Variants in MGAT5B observed in about 807,000 individuals in gnomAD.
The protein encoded by MGAT5B is N-acetylglucosaminyl-transferase Vb.
A neutral mutation model predicts 95.1 loss-of-function variants in MGAT5B; 54 were observed. The observed-to-expected ratio is 0.57, with a 90% CI of 0.46 to 0.71. The LOEUF (loss-of-function observed/expected upper bound fraction) is 0.71. Among genes scored for constraint, MGAT5B ranks in the 30% least tolerant of loss-of-function variants. MGAT5B has a pLI of 0.00. For missense variants in MGAT5B, 935 were observed against 1,088.6 expected, an observed-to-expected ratio of 0.86 and a Z score of 1.99; for synonymous variants, 464 against 451.0, an observed-to-expected ratio of 1.03 and a Z score of -0.36.
chr17:76,920,680 G>C (rs939015807), intron 8 of MGAT5B, among the ~76,000 whole-genome samples: 1 of 152,060 alleles, frequency 6.6e-6, no homozygotes, highest in African/African-American at 2.4e-5. Flanking sequence ...AACTCCTCCT[G>C]GGAAGGGGAT....
rs11650151 is a variant in MGAT5B, at chr17:76,904,301, T to C, written c.569T>C (p.Val190Ala). 6.2e-7 allele frequency: 1 copy of C among 1,610,890 alleles called. No individual in the cohort carries two copies. Among genetic ancestry groups the C allele is most frequent in the Non-Finnish European group, 8.5e-7 (1 of 1,178,968 alleles). The change falls in exon 6 of 18, where the codon GTG (valine) becomes GCG (alanine). Residue 190 changes from valine to alanine, a missense_variant. This residue lies in a region of MGAT5B where 243 missense variants were observed against 305.5 expected (regional missense o/e 0.80). Coordinates refer to ENST00000569840, the MANE Select transcript of MGAT5B (RefSeq NM_001199172.2). The stretch of plus-strand genomic sequence containing the variant: ...GACCCCTGCTACGCCTTCTTTGGGG[T>C]GGACGGCACCGAGTGCTCCTTCCTC... ...TSDPCYAFFG[V>A]DGTECSFLIY... is the part of the protein sequence containing the mutation.
chr17:76,943,626 G>T (rs546591299), intron 15 of MGAT5B, among the ~76,000 whole-genome samples: 12 of 129,156 alleles, frequency 9.3e-5, no homozygotes, highest in African/African-American at 1.1e-4. Flanking sequence ...GGTGGGGTGG[G>T]GGGGGGGTCT....
intron 12 of MGAT5B, among the ~76,000 whole-genome samples, chr17:76,933,552 G>C (rs1175792321): frequency 1.3e-5 from 2 of 151,962 alleles, no homozygotes; most frequent in Non-Finnish European, 2.9e-5. Context: ...CCACAGGGCA[G>C]CCCTTGGGCA....
At chr17:76,871,130 AG>A (rs1421177983) in intron 1 of MGAT5B, among the ~76,000 whole-genome samples, 1 of 152,122 alleles carries the variant, frequency 6.6e-6, no homozygotes, top group Non-Finnish European at 1.5e-5. Context: ...CCTCTTCTCC[AG>A]GGACTAGAGA....
At chr17:76,900,071 G>T (rs1275389028) in intron 3 of MGAT5B, among the ~76,000 whole-genome samples, 2 of 152,144 alleles carry the variant, frequency 1.3e-5, no homozygotes, top group East Asian at 3.9e-4. Context: ...CATGGTAGCT[G>T]CCCTTATGTC....
chr17:76,892,369 A>G (rs142733595), intron 3 of MGAT5B, among the ~76,000 whole-genome samples: 10 of 152,324 alleles, frequency 6.6e-5, no homozygotes, highest in African/African-American at 2.4e-4. Flanking sequence ...CTTTAGAAGG[A>G]AGCTCCAGGA....
intron 2 of MGAT5B, among the ~76,000 whole-genome samples, chr17:76,874,004 T>C (rs550161226): frequency 6.6e-6 from 1 of 152,342 alleles, no homozygotes; most frequent in African/African-American, 2.4e-5. Context: ...TATTATGCCA[T>C]CTGTCATCTC....
At chr17:76,925,248 C>CCT (rs1969271754) in intron 9 of MGAT5B, 151 bp downstream of exon 9, 2 of 17,544 alleles carry the variant, frequency 1.1e-4, no homozygotes, top group African/African-American at 2.7e-4. Flanking sequence ...CTCCCCTCCC[C>CCT]TCCCCTGCCA....
rs1970082914 is a variant in MGAT5B, at chr17:76,947,883, C to A, written c.1977C>A (p.Ser659Arg). The change falls in exon 17 of 18, where the codon AGC becomes AGA. Residue 659 changes from serine to arginine, a missense_variant. Coordinates refer to ENST00000569840, the MANE Select transcript of MGAT5B (RefSeq NM_001199172.2). Reference protein sequence around the residue: ...PALPEAHAPQSPFVLAPNATH... With the variant: ...PALPEAHAPQRPFVLAPNATH... Reference sequence around the variant, plus strand: ...TACCAGAGGCCCACGCCCCGCAGAGCCCCTTTGTCCTGGCCCCCAATGCCA... The same window carrying A: ...TACCAGAGGCCCACGCCCCGCAGAGACCCTTTGTCCTGGCCCCCAATGCCA... 3.7e-6 allele frequency: 6 copies of A among 1,607,234 alleles called. No homozygotes were observed. The Admixed American group carries it at 5.0e-5, about 14-fold the overall frequency.
chr17:76,907,333 G>A (rs1968569629), intron 8 of MGAT5B, among the ~76,000 whole-genome samples: 1 of 152,250 alleles, frequency 6.6e-6, no homozygotes, highest in Admixed American at 6.5e-5. Flanking sequence ...TTACAGGCAT[G>A]AGCCACCGCA....
intron 8 of MGAT5B, among the ~76,000 whole-genome samples, chr17:76,921,747 G>A (rs1020445235): frequency 3.3e-5 from 5 of 152,176 alleles, no homozygotes; most frequent in African/African-American, 1.2e-4. Flanking sequence ...CTCGGAAAGG[G>A]TCAGAACCCC....
Position 76,950,224 on chromosome 17 carries a change from C to T in MGAT5B, c.*1386C>T, listed in dbSNP as rs1039771582. ...CTTCCTGTGGGAGTCCCCTCCAGACCTGGCTGGCCCCTGCAGCCACAGAAA... is the reference window on the plus strand; with the variant it reads ...CTTCCTGTGGGAGTCCCCTCCAGACTTGGCTGGCCCCTGCAGCCACAGAAA... On this transcript the variant is annotated 3_prime_UTR_variant, in exon 18 of 18. Transcript: ENST00000569840. The T allele has an allele frequency of 1.3e-5, 2 of 152,672 alleles. No individual in the cohort carries two copies. Among genetic ancestry groups the T allele is most frequent in the Non-Finnish European group, 2.9e-5 (2 of 68,058 alleles). The allele number at this position is 152,672 out of a possible 1,614,324, so 9.5% of individuals were successfully genotyped here.
At chr17:76,943,077 G>C (rs1969915894) in intron 15 of MGAT5B, among the ~76,000 whole-genome samples, 1 of 152,124 alleles carries the variant, frequency 6.6e-6, no homozygotes, top group Non-Finnish European at 1.5e-5. Context: ...GGAGGGCTGT[G>C]TGCATGAAGG....
chr17:76,888,601 C>A (rs943821792), intron 3 of MGAT5B, among the ~76,000 whole-genome samples: 1 of 152,164 alleles, frequency 6.6e-6, no homozygotes, highest in Non-Finnish European at 1.5e-5. Flanking sequence ...AGAATTAAAT[C>A]TCTTTCCTGA....
intron 15 of MGAT5B, among the ~76,000 whole-genome samples, chr17:76,942,910 G>T (rs1264302191): frequency 6.6e-6 from 1 of 152,196 alleles, no homozygotes; most frequent in African/African-American, 2.4e-5. Context: ...CTGCAGAGGG[G>T]CTCGGGCAAG....
intron 3 of MGAT5B, among the ~76,000 whole-genome samples, chr17:76,900,721 C>G (rs1049913078): frequency 2.0e-5 from 3 of 152,218 alleles, no homozygotes; most frequent in African/African-American, 7.2e-5. Context: ...TTTAAGCCAC[C>G]TGGTTTGTGG....
chr17:76,876,371 C>T (rs1374226874), intron 2 of MGAT5B, among the ~76,000 whole-genome samples: 2 of 151,104 alleles, frequency 1.3e-5, no homozygotes, highest in East Asian at 1.9e-4. Context: ...GGATAATGCA[C>T]GTTTTGTTAC....
intron 2 of MGAT5B, among the ~76,000 whole-genome samples, chr17:76,880,188 C>T (rs952573803): frequency 1.3e-5 from 2 of 152,142 alleles, no homozygotes; most frequent in Non-Finnish European, 2.9e-5. Context: ...TTCTTCTGCC[C>T]GCCACATCCC....
At chr17:76,947,778 A>C (rs915579298) in intron 16 of MGAT5B, 52 bp from the exon 17 acceptor site, 33 of 1,496,856 alleles carry the variant, frequency 2.2e-5, no homozygotes, top group African/African-American at 5.6e-5. Context: ...GGTGTCTCCC[A>C]GGCACACCTG....
Sources: allele counts gnomAD v4.1 joint callset (sites outside exome capture counted in the v4.1 genomes callset), GRCh38; gene constraint gnomAD v4.1.1; regional missense constraint gnomAD v4.1.1; transcripts MANE v1.5; gene names NCBI Gene and HGNC (gene_info 2026-07-23, HGNC 2026-07-21).